ZNF568: variants seen among roughly 807,000 people sequenced by gnomAD.
ZNF568 encodes the protein p53 inhibitor of SCO2 activation.
ZNF568 carries 11 observed loss-of-function variants against 18.1 expected under a neutral mutation model. The observed-to-expected ratio is 0.61, with a 90% confidence interval of 0.38 to 1.00. The LOEUF (loss-of-function observed/expected upper bound fraction) is 1.00, where lower values mean the gene tolerates loss of function less well. ZNF568 is among the 50% of genes least tolerant of loss of function. The probability of loss-of-function intolerance (pLI) is 0.01; values close to 1 mark genes in which losing one functional copy is unlikely to be tolerated. For synonymous variants in ZNF568, 213 were observed against 246.6 expected (o/e 0.86, Z 1.28); for missense variants, 639 against 768.2 (o/e 0.83, Z 1.99).
intron 3 of ZNF568, among the ~76,000 whole-genome samples, chr19:36,924,452 C>T (rs942469144): frequency 2.0e-5 from 3 of 151,110 alleles, no homozygotes; most frequent in Admixed American, 6.6e-5. Flanking sequence ...CTCCTGACCT[C>T]GTGATCCGCC....
rs1164633023 is a variant in ZNF568 at position 36,945,128 on chromosome 19, GA to G, written c.359-4377del. ...AGTCATGGTTTCAGTACATGTAAGT[GA>G]AAAAAACTCAGCGTAGAGAACATTG... On this transcript the variant is annotated intron_variant, in intron 6 of 6. Coordinates refer to ENST00000333987, the MANE Select transcript of ZNF568 (RefSeq NM_198539.4). Among the ~76,000 whole-genome samples the G allele has an allele frequency of 2.6e-5, 4 of 151,630 alleles. No individual in the cohort carries two copies. The East Asian group carries it at 5.8e-4, about 22-fold the overall frequency.
chr19:36,920,388 C>T (rs963457153), intron 2 of ZNF568, among the ~76,000 whole-genome samples: 3 of 151,862 alleles, frequency 2.0e-5, no homozygotes, highest in African/African-American at 4.8e-5. Flanking sequence ...TTTGGGAGGC[C>T]GAGGCGGGTG....
chr19:36,986,623 T>TC (rs1463568285), intron 2 of ZNF568, among the ~76,000 whole-genome samples: 7 of 152,120 alleles, frequency 4.6e-5, no homozygotes, highest in Admixed American at 1.3e-4. Flanking sequence ...TTGATTTTCT[T>TC]TTTTTCCCCC....
Position 36,949,555 on chromosome 19 carries a change from A to T in ZNF568, c.402A>T (p.Thr134=). ...VDEQIKKQQE[T]LVRKVTSISK... is the part of the protein sequence containing the mutation. ...AACAGATCAAGAAGCAACAGGAAAC[A>T]CTTGTGAGGAAAGTCACATCCATCT... is the stretch of plus-strand genomic sequence containing the variant. Residue 134 remains threonine (T), a synonymous_variant, in exon 7 of 7, where the codon ACA becomes ACT. Coordinates refer to ENST00000333987, the MANE Select transcript of ZNF568 (RefSeq NM_198539.4). The T allele has an allele frequency of 6.2e-7, 1 of 1,606,494 alleles. No individual in the cohort carries two copies. The highest frequency in any genetic ancestry group is 8.5e-7 in the Non-Finnish European group (1 of 1,177,146).
Position 36,949,971 on chromosome 19 carries a change from C to T in ZNF568, c.818C>T (p.Thr273Ile). 6.2e-7 allele frequency: 1 copy of T among 1,613,816 alleles called. No homozygotes were observed. Among genetic ancestry groups the T allele is most frequent in the Non-Finnish European group, 8.5e-7 (1 of 1,179,922 alleles). ...CTTATTACACATCAGAAAATTCATACTGGGGAAAAACCGTATAAGTGTAAT... is the reference window on the plus strand; with the variant it reads ...CTTATTACACATCAGAAAATTCATATTGGGGAAAAACCGTATAAGTGTAAT... The part of the protein sequence containing the change: ...ENLITHQKIH[T>I]GEKPYKCNEC... The change falls in exon 7 of 7, where the codon ACT (threonine) becomes ATT (isoleucine). Residue 273 changes from threonine (T) to isoleucine (I), a missense_variant. Coordinates refer to ENST00000333987, the MANE Select transcript of ZNF568 (RefSeq NM_198539.4).
chr19:36,988,139 A>G (rs1436850382), intron 2 of ZNF568, among the ~76,000 whole-genome samples: 1 of 151,814 alleles, frequency 6.6e-6, no homozygotes, highest in African/African-American at 2.4e-5. Context: ...ATTTTTGTAG[A>G]GATGGGGTCC....
chr19:36,978,185 A>G lies in ZNF568; in HGVS notation c.406-819A>G, dbSNP rs543651114. Reference sequence around the variant, plus strand: ...CCTGGTACTTTCAGGATAAATCTCCAACTCTTTCACGTTCATTGCATATTT... The same window carrying G: ...CCTGGTACTTTCAGGATAAATCTCCGACTCTTTCACGTTCATTGCATATTT... On this transcript the variant is annotated intron_variant, in intron 7 of 7. Coordinates refer to the ZNF568 transcript ENST00000427117. Among the ~76,000 whole-genome samples the G allele has an allele frequency of 1.1e-4, 17 of 152,350 alleles. No homozygotes were observed. The East Asian group carries it at 3.1e-3, about 28-fold the overall frequency.
intron 6 of ZNF568, among the ~76,000 whole-genome samples, chr19:36,939,644 A>C (rs1294507383): frequency 7.1e-6 from 1 of 141,682 alleles, no homozygotes; most frequent in Non-Finnish European, 1.5e-5. Flanking sequence ...GGTTTAAGCG[A>C]TTCTTCTGCC....
intron 6 of ZNF568, among the ~76,000 whole-genome samples, chr19:36,972,981 T>C (rs1170060277): frequency 3.3e-5 from 5 of 152,204 alleles, no homozygotes; most frequent in Non-Finnish European, 2.9e-5. Flanking sequence ...CGGCCAACTA[T>C]TGCTGCCTGG....
chr19:36,925,294 T>G (rs1159976458), intron 4 of ZNF568, 36 bp downstream of exon 4: 3 of 1,594,808 alleles, frequency 1.9e-6, no homozygotes, highest in Non-Finnish European at 2.6e-6. Context: ...CCTGCATTAT[T>G]TTGCAGTGCA....
rs369617159 is a variant in ZNF568, at chr19:36,950,290, A to G, written c.1137A>G (p.Leu379=). 9.9e-6 allele frequency: 16 copies of G among 1,613,940 alleles called. No individual in the cohort carries two copies. In the African/African-American group the frequency reaches 1.7e-4, roughly 18 times the overall value. The change falls in exon 7 of 7, where the codon CTA becomes CTG. Residue 379 remains leucine (L), a synonymous_variant. Coordinates refer to ENST00000333987, the MANE Select transcript of ZNF568 (RefSeq NM_198539.4). ...TTTCTCGAATGTCATCTGTTACGCTACATATGAGAAGTCACACAGGGGAGA... is the reference window on the plus strand; with the variant it reads ...TTTCTCGAATGTCATCTGTTACGCTGCATATGAGAAGTCACACAGGGGAGA... ...RAFSRMSSVT[L]HMRSHTGEKP...
chr19:36,950,765 G>A lies in ZNF568; in HGVS notation c.1612G>A (p.Ala538Thr), dbSNP rs1269425714. 6.2e-7 allele frequency: 1 copy of A among 1,613,608 alleles called. No individual in the cohort carries two copies. The highest frequency in any genetic ancestry group is 8.5e-7 in the Non-Finnish European group (1 of 1,179,974). The change falls in exon 7 of 7, where the codon GCT becomes ACT. Residue 538 changes from alanine to threonine, a missense_variant. Physicochemically the swap from Ala to Thr is moderately conservative, Grantham distance 58. Coordinates refer to ENST00000333987, the MANE Select transcript of ZNF568 (RefSeq NM_198539.4). ...KPYHCNQCGK[A>T]FSQRQNLLEH... ...TTATCATTGTAATCAATGTGGGAAA[G>A]CTTTCAGTCAGAGACAAAATCTTCT... is the stretch of plus-strand genomic sequence containing the variant.
At chr19:36,982,030 T>C (rs754104711), downstream of ZNF568, among the ~76,000 whole-genome samples, 2 of 152,234 alleles carry the variant, frequency 1.3e-5, no homozygotes, top group African/African-American at 4.8e-5. Flanking sequence ...TTAACTCTTA[T>C]TTATTCTGAC....
intron 4 of ZNF568, among the ~76,000 whole-genome samples, chr19:36,934,454 G>A (rs1048568294): frequency 1.3e-5 from 2 of 151,774 alleles, no homozygotes; most frequent in African/African-American, 2.4e-5. Flanking sequence ...CCCAGTAGCC[G>A]AGACTACTGG....
chr19:36,922,811 C>A lies in ZNF568; in HGVS notation c.41C>A (p.Thr14Lys). 1 of 1,613,974 alleles carries A rather than the reference C, an allele frequency of 6.2e-7. No individual in the cohort carries two copies. Among genetic ancestry groups the A allele is most frequent in the African/African-American group, 1.3e-5 (1 of 75,004 alleles). Residue 14 changes from threonine to lysine, a missense_variant, in exon 3 of 7, where the codon ACA (threonine) becomes AAA (lysine). Transcript: ENST00000333987. ...QSSVISNSCVTMERLSHMMER... is the reference protein window; with the variant it reads ...QSSVISNSCVKMERLSHMMER... The stretch of plus-strand genomic sequence containing the variant: ...TCAGTGATCAGCAATAGCTGTGTGA[C>A]AATGGAGCGTTTGAGCCACATGATG...
chr19:36,935,781 A>C (rs2073780295), intron 4 of ZNF568, among the ~76,000 whole-genome samples: 1 of 151,776 alleles, frequency 6.6e-6, no homozygotes, highest in Non-Finnish European at 1.5e-5. Context: ...TAGTATATCC[A>C]CTCTAGCTTT....
chr19:36,962,094 C>T (rs2074155346), intron 6 of ZNF568, among the ~76,000 whole-genome samples: 1 of 149,560 alleles, frequency 6.7e-6, no homozygotes, highest in African/African-American at 2.5e-5. Context: ...TTTAAACCAC[C>T]ATGCCCAGGC....
intron 4 of ZNF568, among the ~76,000 whole-genome samples, chr19:36,930,431 G>A (rs1345712356): frequency 2.0e-5 from 3 of 151,914 alleles, no homozygotes; most frequent in Non-Finnish European, 4.4e-5. Context: ...GGATGGTCTC[G>A]ATCTCCTGAC....
exon 5 of ZNF568, chr19:36,996,939 C>T: frequency 6.5e-7 from 1 of 1,537,220 alleles, no homozygotes; most frequent in East Asian, 2.4e-5. Flanking sequence ...ATCAGAGGAT[C>T]CATACTGATG....
Sources: allele counts gnomAD v4.1 joint callset (sites outside exome capture counted in the v4.1 genomes callset), GRCh38; gene constraint gnomAD v4.1.1; transcripts MANE v1.5; gene names NCBI Gene and HGNC (gene_info 2026-07-23, HGNC 2026-07-21).